Variants in XPNPEP3 observed in about 807,000 individuals in gnomAD.
XPNPEP3 encodes X-prolyl aminopeptidase 3.
In XPNPEP3, 41 loss-of-function variants were observed where a neutral mutation model predicts 60.0. The ratio of observed to expected loss-of-function variants is 0.68; its 90% confidence interval spans 0.53 to 0.89. XPNPEP3 has a LOEUF of 0.89. Ranked by LOEUF, XPNPEP3 falls within the 40% of genes least tolerant of loss-of-function variation. XPNPEP3 has a pLI of 0.00. For synonymous variants in XPNPEP3, 212 were observed against 223.2 expected, an observed-to-expected ratio of 0.95 and a Z score of 0.45; for missense variants, 598 against 638.9, an observed-to-expected ratio of 0.94 and a Z score of 0.69.
intron 1 of XPNPEP3, chr22:40,860,552 C>T (rs1209904432): frequency 1.1e-5 from 10 of 916,004 alleles, no homozygotes; most frequent in Admixed American, 7.1e-5. Flanking sequence ...ATGCATGTTT[C>T]GTAAGTTTGT....
chr22:40,898,100 T>TTTG (rs151307900), intron 4 of XPNPEP3, among the ~76,000 whole-genome samples: 7,146 of 151,910 alleles, frequency 0.047, 531 homozygotes, highest in African/African-American at 0.16. Flanking sequence ...GTCCAGTTTT[T>TTTG]TTGTTGTTGT....
intron 1 of XPNPEP3, among the ~76,000 whole-genome samples, chr22:40,865,733 G>A (rs984396429): frequency 6.6e-6 from 1 of 151,786 alleles, no homozygotes; most frequent in Non-Finnish European, 1.5e-5. Flanking sequence ...GTTTAGCCAT[G>A]TTGGCCAGGC....
intron 4 of XPNPEP3, among the ~76,000 whole-genome samples, chr22:40,907,370 GA>G (rs1301915610): frequency 2.6e-5 from 4 of 151,936 alleles, no homozygotes; most frequent in Non-Finnish European, 5.9e-5. Flanking sequence ...GCAGTGAGCC[GA>G]GATCGCGCCA....
chr22:40,906,546 A>G (rs2146268947), intron 4 of XPNPEP3, among the ~76,000 whole-genome samples: 1 of 152,260 alleles, frequency 6.6e-6, no homozygotes. Context: ...GCATTTTGGT[A>G]GTGTCCTGTT....
chr22:40,911,276 A>G (rs2058176164), intron 6 of XPNPEP3, among the ~76,000 whole-genome samples: 1 of 152,120 alleles, frequency 6.6e-6, no homozygotes, highest in South Asian at 2.1e-4. Flanking sequence ...TACTTAGTTT[A>G]GGATATTCAG....
intron 6 of XPNPEP3, among the ~76,000 whole-genome samples, chr22:40,911,955 T>C (rs1457179977): frequency 6.6e-6 from 1 of 152,190 alleles, no homozygotes; most frequent in Non-Finnish European, 1.5e-5. Flanking sequence ...CCAGAAGTTT[T>C]ATGATGATAA....
intron 4 of XPNPEP3, among the ~76,000 whole-genome samples, chr22:40,901,249 T>TTTTTTTC (rs139926): frequency 1.1e-4 from 17 of 150,254 alleles, no homozygotes; most frequent in African/African-American, 4.2e-4. Context: ...TTTTTTTTTT[T>TTTTTTTC]GAGATGGAGT....
chr22:40,919,555 C>T lies in XPNPEP3; in HGVS notation c.1056-2778C>T, dbSNP rs925975487. ...AATATTTTGTTTTTTTGTAGAGACACGGTTTCGCTATGTTGCCCAGGCTGG... is the reference window on the plus strand; with the variant it reads ...AATATTTTGTTTTTTTGTAGAGACATGGTTTCGCTATGTTGCCCAGGCTGG... On this transcript the variant is annotated intron_variant, in intron 7 of 9. Transcript: ENST00000357137. Among the ~76,000 whole-genome samples, 8 of 152,216 alleles carry T rather than the reference C, an allele frequency of 5.3e-5. No individual in the cohort carries two copies. The East Asian group carries it at 1.5e-3, about 29-fold the overall frequency.
intron 1 of XPNPEP3, among the ~76,000 whole-genome samples, chr22:40,859,132 C>T (rs1013985704): frequency 6.6e-6 from 1 of 152,050 alleles, no homozygotes; most frequent in Admixed American, 6.6e-5. Flanking sequence ...GACCATGGAC[C>T]CCTTTTCTGT....
At chr22:40,861,662 G>C (rs778884988) in intron 1 of XPNPEP3, 17 of 1,613,956 alleles carry the variant, frequency 1.1e-5, no homozygotes, top group Non-Finnish European at 1.4e-5. Context: ...AGTCTTCAAA[G>C]AAGTGAAAAG....
chr22:40,907,661 A>G lies in XPNPEP3; in HGVS notation c.855+12A>G. ...TTCTTTATGCTAAGGTGAGATTCAG[A>G]TGGTTAGCTTCACCATCTTGTTGGA... On this transcript the variant is annotated intron_variant, in intron 5 of 9. Coordinates refer to ENST00000357137, the MANE Select transcript of XPNPEP3 (RefSeq NM_022098.4). 1.2e-6 allele frequency: 2 copies of G among 1,612,278 alleles called. No homozygotes were observed. The highest frequency in any genetic ancestry group is 1.7e-6 in the Non-Finnish European group (2 of 1,178,396).
At chr22:40,862,366 A>C in intron 1 of XPNPEP3, 2 of 1,005,930 alleles carry the variant, frequency 2.0e-6, no homozygotes, top group Non-Finnish European at 2.4e-6. Context: ...TAATAGCCAC[A>C]GCATATCCCT....
In XPNPEP3 at chr22:40,860,623, A is replaced by G. The variant is rs377666672; in HGVS notation, c.64+3378A>G. The G allele has an allele frequency of 4.6e-6, 6 of 1,302,032 alleles. No homozygotes were observed. In the African/African-American group the frequency reaches 6.0e-5, roughly 13 times the overall value. 80.7% of individuals were successfully genotyped at this position (1,302,032 alleles called of 1,614,324 possible). A position where few individuals can be genotyped will look rare whatever the true frequency, so the allele number is the denominator to read the frequency against. On this transcript the variant is annotated intron_variant, in intron 1 of 9. Coordinates refer to ENST00000357137, the MANE Select transcript of XPNPEP3 (RefSeq NM_022098.4). ...ATAAACTCTACTAAAGAAAAATTCAAAAGTAAAAAACTCATTGCAGTTTTC... is the reference window on the plus strand; with the variant it reads ...ATAAACTCTACTAAAGAAAAATTCAGAAGTAAAAAACTCATTGCAGTTTTC...
intron 4 of XPNPEP3, among the ~76,000 whole-genome samples, chr22:40,893,087 ATATT>A (rs1014089547): frequency 5.4e-5 from 8 of 147,408 alleles, no homozygotes; most frequent in Non-Finnish European, 7.4e-5. Flanking sequence ...TTTATATTAT[ATATT>A]TAGTTTATAT....
chr22:40,932,064 T>TC lies in XPNPEP3; in HGVS notation c.*5634dup, dbSNP rs894602544. The TC allele has an allele frequency of 1.3e-5, 2 of 152,100 alleles. No homozygotes were observed. Among genetic ancestry groups the TC allele is most frequent in the African/African-American group, 4.8e-5 (2 of 41,406 alleles). 9.4% of individuals were successfully genotyped at this position (152,100 alleles called of 1,614,324 possible). ...AAATGTGAAGCACAAATGCTGCTTC[T>TC]CCCCCTCCTGTTCCCATGTCAGAGA... is the stretch of plus-strand genomic sequence containing the variant. On this transcript the variant is annotated 3_prime_UTR_variant, in exon 10 of 10. Transcript: ENST00000357137.
Position 40,922,417 on chromosome 22 carries a change from C to G in XPNPEP3, c.1140C>G (p.Ser380Arg). 1.2e-6 allele frequency: 2 copies of G among 1,613,908 alleles called. No homozygotes were observed. The highest frequency in any genetic ancestry group is 1.7e-6 in the Non-Finnish European group (2 of 1,179,872). ...DCLALCFPGT[S>R]LENIYSMMLT... ...TGGCCCTCTGCTTCCCTGGGACAAG[C>G]TTGGAGAACATCTACAGCATGATGC... The change falls in exon 8 of 10, where the codon AGC becomes AGG. Residue 380 changes from serine to arginine, a missense_variant. Transcript: ENST00000357137.
chr22:40,922,721 T>C (rs184838231), intron 8 of XPNPEP3, among the ~76,000 whole-genome samples: 1,536 of 145,378 alleles, frequency 0.011, 22 homozygotes, highest in Admixed American at 0.038. Flanking sequence ...TGTAGATATA[T>C]ACACACACAC....
chr22:40,909,772 CTAAATAAA>C (rs199688446), intron 6 of XPNPEP3, among the ~76,000 whole-genome samples: 35 of 151,452 alleles, frequency 2.3e-4, no homozygotes, highest in East Asian at 7.7e-4. Flanking sequence ...GACTCTGTCT[CTAAATAAA>C]TAAATAAATA....
At chr22:40,924,819 C>T (rs1457757668) in intron 9 of XPNPEP3, among the ~76,000 whole-genome samples, 1 of 152,150 alleles carries the variant, frequency 6.6e-6, no homozygotes, top group Non-Finnish European at 1.5e-5. Flanking sequence ...CCGCGCCCAG[C>T]CACATTGTTT....
Sources: gnomAD v4.1 joint callset for allele counts (sites outside exome capture counted in the v4.1 genomes callset) on GRCh38, gnomAD v4.1.1 for gene constraint, MANE v1.5 for transcripts, NCBI Gene and HGNC (gene_info 2026-07-23, HGNC 2026-07-21) for gene names.